LMO7: variants seen among roughly 807,000 people sequenced by gnomAD.
LMO7 encodes LIM domain only protein 7.
Under a neutral mutation model 206.5 loss-of-function variants are expected in LMO7, and 120 were observed. The observed-to-expected ratio is 0.58, with a 90% CI of 0.50 to 0.68. The LOEUF (loss-of-function observed/expected upper bound fraction) is 0.68, where lower values mean the gene tolerates loss of function less well. LMO7 is among the 30% of genes least tolerant of loss of function. The pLI is 0.00. For synonymous variants in LMO7, 706 were observed against 681.5 expected (o/e 1.04, Z -0.56); for missense variants, 1,959 against 1,957.9 (o/e 1.00, Z -0.01).
intron 4 of LMO7, among the ~76,000 whole-genome samples, chr13:75,768,115 G>A (rs2049138109): frequency 6.6e-6 from 1 of 151,942 alleles, no homozygotes; most frequent in South Asian, 2.1e-4. Context: ...CTCCATAAAT[G>A]GTATTGAATT....
intron 1 of LMO7, among the ~76,000 whole-genome samples, chr13:75,637,352 T>G (rs34050766): frequency 0.065 from 9,905 of 152,264 alleles, 397 homozygotes; most frequent in Middle Eastern, 0.099. Flanking sequence ...GATCATTCGC[T>G]GAAGAGCTGT....
chr13:75,709,826 G>T lies in LMO7; in HGVS notation c.70-3356G>T, dbSNP rs535770848. 7.8e-5 allele frequency among the ~76,000 whole-genome samples: 11 copies of T among 141,460 alleles called. No individual in the cohort carries two copies. The East Asian group carries it at 1.1e-3, about 15-fold the overall frequency. 92.8% of individuals were successfully genotyped at this position (141,460 alleles called of 152,430 possible). A position where few individuals can be genotyped will look rare whatever the true frequency, so the allele number is the denominator to read the frequency against. ...AATTAGATCCCATTTGTTAATTTTG[G>T]CTTTTGTTGCCATTGCTTTTGGTGT... On this transcript the variant is annotated intron_variant, in intron 1 of 30. Coordinates refer to ENST00000377534, the MANE Select transcript of LMO7 (RefSeq NM_001306080.2).
At chr13:75,845,504 A>G (rs1228077481) in intron 26 of LMO7, 125 bp downstream of exon 26, 8 of 564,074 alleles carry the variant, frequency 1.4e-5, no homozygotes, top group Non-Finnish European at 2.2e-5. Flanking sequence ...AATACTTAGT[A>G]TTTTAACCTC....
chr13:75,771,557 G>A lies in LMO7; in HGVS notation c.317+10519G>A, dbSNP rs527778494. 2.6e-5 allele frequency among the ~76,000 whole-genome samples: 4 copies of A among 152,272 alleles called. No individual in the cohort carries two copies. The South Asian group carries it at 8.3e-4, about 32-fold the overall frequency. Reference sequence around the variant, plus strand: ...AAAATAGAATTAGTCTTTAAAAACAGAATTTTTAAAGACTTTAAAAACAGA... The same window carrying A: ...AAAATAGAATTAGTCTTTAAAAACAAAATTTTTAAAGACTTTAAAAACAGA... On this transcript the variant is annotated intron_variant, in intron 4 of 30. Coordinates refer to ENST00000377534, the MANE Select transcript of LMO7 (RefSeq NM_001306080.2).
intron 1 of LMO7, among the ~76,000 whole-genome samples, chr13:75,659,774 A>C (rs989716380): frequency 6.6e-6 from 1 of 152,230 alleles, no homozygotes; most frequent in Non-Finnish European, 1.5e-5. Context: ...TATGAATTTT[A>C]AAAATACTTT....
At chr13:75,647,552 A>G (rs549646413) in intron 1 of LMO7, among the ~76,000 whole-genome samples, 2 of 152,362 alleles carry the variant, frequency 1.3e-5, no homozygotes, top group South Asian at 4.1e-4. Context: ...GCCAGGGGAT[A>G]ATACATCATC....
chr13:75,687,158 T>C lies in LMO7; in HGVS notation c.70-26024T>C, dbSNP rs116215355. Among the ~76,000 whole-genome samples the C allele has an allele frequency of 1.9e-3, 286 of 152,314 alleles. 2 individuals are homozygous for C. The highest frequency in any genetic ancestry group is 6.6e-3 in the African/African-American group (273 of 41,580). ...GGGTATTATCCCTGTCCTGGATTTA[T>C]TTTTTGTGACTGTTTCCAGGATTTG... On this transcript the variant is annotated intron_variant, in intron 1 of 30. Transcript: ENST00000377534.
intron 2 of LMO7, among the ~76,000 whole-genome samples, chr13:75,722,080 C>G (rs1327565592): frequency 4.6e-5 from 7 of 152,192 alleles, no homozygotes; most frequent in Non-Finnish European, 8.8e-5. Context: ...AGACTTAAAT[C>G]TAAGACCTGA....
intron 4 of LMO7, among the ~76,000 whole-genome samples, chr13:75,776,205 A>C (rs2050466693): frequency 1.8e-5 from 2 of 114,168 alleles, no homozygotes; most frequent in Admixed American, 9.3e-5. Context: ...ATATATATAT[A>C]ACGTTAAGTC....
chr13:75,809,012 T>C lies in LMO7; in HGVS notation c.1917-142T>C. 5 of 700,028 alleles carry C rather than the reference T, an allele frequency of 7.1e-6. No individual in the cohort carries two copies. The South Asian group carries it at 8.0e-5, about 11-fold the overall frequency. 43.4% of individuals were successfully genotyped at this position (700,028 alleles called of 1,614,324 possible). The stretch of plus-strand genomic sequence containing the variant: ...AGGAAATTGATGAGAACTTGAGACA[T>C]GATCAAGAATGTGATGGAAGAAGTG... On this transcript the variant is annotated intron_variant, in intron 10 of 30. Transcript: ENST00000377534.
chr13:75,698,873 C>T (rs567887042), intron 1 of LMO7, among the ~76,000 whole-genome samples: 1 of 152,154 alleles, frequency 6.6e-6, no homozygotes, highest in Non-Finnish European at 1.5e-5. Context: ...AATTCAGTGG[C>T]TTTTAATATA....
rs1303340535 is a variant in LMO7 at position 75,858,002 on chromosome 13, G to T, written c.*59G>T. On this transcript the variant is annotated 3_prime_UTR_variant, in exon 31 of 31. Coordinates refer to ENST00000377534, the MANE Select transcript of LMO7 (RefSeq NM_001306080.2). ...AGAAGAAGAGGTGGTTGCTGCTCAT[G>T]TAGATCTATAAATATGTGTTGTATG... is the stretch of plus-strand genomic sequence containing the variant. 3 of 1,599,880 alleles carry T rather than the reference G, an allele frequency of 1.9e-6. No individual in the cohort carries two copies. Among genetic ancestry groups the T allele is most frequent in the African/African-American group, 2.7e-5 (2 of 74,032 alleles).
chr13:75,624,540 GT>G (rs1303368462), intron 2 of LMO7, among the ~76,000 whole-genome samples: 1 of 152,122 alleles, frequency 6.6e-6, no homozygotes, highest in Non-Finnish European at 1.5e-5. Flanking sequence ...GTATTAGTCT[GT>G]TTTCAAGCTG....
chr13:75,790,037 A>C (rs1042709635), intron 4 of LMO7, among the ~76,000 whole-genome samples: 1 of 152,166 alleles, frequency 6.6e-6, no homozygotes, highest in African/African-American at 2.4e-5. Flanking sequence ...ATACCACGCC[A>C]GTGTGCTTTG....
chr13:75,696,433 A>T (rs1257677953), intron 1 of LMO7, among the ~76,000 whole-genome samples: 1 of 152,174 alleles, frequency 6.6e-6, no homozygotes, highest in Non-Finnish European at 1.5e-5. Context: ...TTTAGTACAA[A>T]TTGTTTCATA....
chr13:75,777,183 C>G (rs1045252175), intron 4 of LMO7, among the ~76,000 whole-genome samples: 7 of 152,208 alleles, frequency 4.6e-5, no homozygotes, highest in African/African-American at 1.4e-4. Context: ...CTTCCTCCCC[C>G]AGTGTTCACT....
intron 4 of LMO7, among the ~76,000 whole-genome samples, chr13:75,769,593 C>A (rs1018575334): frequency 6.6e-5 from 10 of 152,034 alleles, no homozygotes; most frequent in Non-Finnish European, 7.4e-5. Context: ...ATTAAAAACA[C>A]ATGTTGAATC....
intron 3 of LMO7, among the ~76,000 whole-genome samples, chr13:75,729,128 A>T (rs1401749689): frequency 1.2e-4 from 18 of 149,540 alleles, no homozygotes; most frequent in Non-Finnish European, 1.5e-5. Flanking sequence ...TTGGTTCCAT[A>T]TGAACTTTAA....
chr13:75,778,998 A>G (rs1288160229), intron 4 of LMO7, among the ~76,000 whole-genome samples: 1 of 152,148 alleles, frequency 6.6e-6, no homozygotes, highest in Non-Finnish European at 1.5e-5. Context: ...AGAAGAATGA[A>G]TTCAAGAGAT....
Sources: allele counts gnomAD v4.1 joint callset (sites outside exome capture counted in the v4.1 genomes callset), GRCh38; gene constraint gnomAD v4.1.1; transcripts MANE v1.5; gene names NCBI Gene and HGNC (gene_info 2026-07-23, HGNC 2026-07-21).